The following PRSS50 variants were observed in gnomAD, a reference collection of about 807,000 sequenced individuals.
PRSS50 encodes probable threonine protease PRSS50.
Under a neutral mutation model 34.2 loss-of-function variants are expected in PRSS50, and 23 were observed. That is an observed-to-expected ratio of 0.67 (90% CI 0.48 to 0.95). PRSS50 has a LOEUF of 0.95. Ranked by LOEUF, PRSS50 falls within the 40% of genes least tolerant of loss-of-function variation. The probability of loss-of-function intolerance (pLI) is 0.00; values close to 1 mark genes in which losing one functional copy is unlikely to be tolerated. For synonymous variants in PRSS50, 224 were observed against 211.2 expected (o/e 1.06, Z -0.53); for missense variants, 484 against 513.4 (o/e 0.94, Z 0.55).
At position 46,717,772 on chromosome 3, in the gene PRSS50, G is replaced by C; in HGVS notation, c.53C>G (p.Ala18Gly). Residue 18 changes from alanine to glycine, a missense_variant, in exon 1 of 6, where the codon GCC (alanine) becomes GGC (glycine). By Grantham distance (60) the Ala-to-Gly change is moderately conservative. Coordinates refer to ENST00000315170, the MANE Select transcript of PRSS50 (RefSeq NM_013270.5). The surrounding 1 kb of genome is among the most constrained non-coding windows in gnomAD (Gnocchi z 4.5). ...VARGQRPRTSAPSRAGALLLL... is the reference protein window; with the variant it reads ...VARGQRPRTSGPSRAGALLLL... ...CAGCAGGGCACCGGCGCGGGAGGGGGCAGACGTCCGGGGGCGCTGCCCGCG... is the reference window on the plus strand; with the variant it reads ...CAGCAGGGCACCGGCGCGGGAGGGGCCAGACGTCCGGGGGCGCTGCCCGCG... The C allele has an allele frequency of 6.3e-7, 1 of 1,575,622 alleles. No individual in the cohort carries two copies. The highest frequency in any genetic ancestry group is 8.6e-7 in the Non-Finnish European group (1 of 1,162,038).
At chr3:46,712,796 C>T (rs58935080) in intron 5 of PRSS50, 105 bp downstream of exon 5, 3 of 1,257,972 alleles carry the variant, frequency 2.4e-6, no homozygotes, top group East Asian at 2.4e-5. Flanking sequence ...GTCCTGCCCA[C>T]CCCCTTCCCT....
chr3:46,714,314 T>C lies in PRSS50; in HGVS notation c.658A>G (p.Asn220Asp). ...LKLKQELKYS[N>D]YVRPICLPGT... ...GGCAGGCAGATGGGCCGCACGTAAT[T>C]GCTGTACTTGAGTTCCTGCTTGAGC... Residue 220 changes from asparagine to aspartate, a missense_variant, in exon 4 of 6, where the codon AAT becomes GAT. Physicochemically the swap from Asn to Asp is conservative, Grantham distance 23. Coordinates refer to ENST00000315170, the MANE Select transcript of PRSS50 (RefSeq NM_013270.5). The C allele has an allele frequency of 6.2e-7, 1 of 1,614,124 alleles. No individual in the cohort carries two copies. The highest frequency in any genetic ancestry group is 8.5e-7 in the Non-Finnish European group (1 of 1,180,034).
Position 46,713,068 on chromosome 3 carries a change from C to T in PRSS50, c.755-1G>A, listed in dbSNP as rs1700639953. On this transcript the variant is annotated splice_acceptor_variant, in intron 4 of 5. Transcript: ENST00000315170. LOFTEE classifies it high-confidence loss of function. Reference sequence around the variant, plus strand: ...ATGGTCCGGAACTGAGGCCACATGCCTGTGGGACAGGGCCCCATTTAGGCG... The same window carrying T: ...ATGGTCCGGAACTGAGGCCACATGCTTGTGGGACAGGGCCCCATTTAGGCG... 3 of 1,613,716 alleles carry T rather than the reference C, an allele frequency of 1.9e-6. No individual in the cohort carries two copies. The highest frequency in any genetic ancestry group is 1.3e-5 in the African/African-American group (1 of 74,934).
chr3:46,712,616 C>G (rs186395929), intron 5 of PRSS50, 134 bp from the exon 6 acceptor site: 2 of 868,210 alleles, frequency 2.3e-6, no homozygotes, highest in Middle Eastern at 3.1e-4. Flanking sequence ...GAGAAGTGCT[C>G]CAGACCCAGG....
At position 46,717,386 on chromosome 3, in the gene PRSS50, A is replaced by T; in HGVS notation, c.307+51T>A. ...CCTAGCCCCAGCCAAGGTCCTTAAG[A>T]CTCCTCTGTCACCCTCCTTGCCCCA... On this transcript the variant is annotated intron_variant, in intron 2 of 5. Coordinates refer to ENST00000315170, the MANE Select transcript of PRSS50 (RefSeq NM_013270.5). The surrounding 1 kb of genome is among the most constrained non-coding windows in gnomAD (Gnocchi z 4.5). 6.3e-7 allele frequency: 1 copy of T among 1,595,070 alleles called. No individual in the cohort carries two copies. The highest frequency in any genetic ancestry group is 1.4e-5 in the African/African-American group (1 of 73,660).
At position 46,715,487 on chromosome 3, in the gene PRSS50, A is replaced by G. The variant is rs1243010528; in HGVS notation, c.470+48T>C. On this transcript the variant is annotated intron_variant, in intron 3 of 5. Transcript: ENST00000315170. The surrounding 1 kb of genome is among the most constrained non-coding windows in gnomAD (Gnocchi z 5.2). ...GCAGGGAGGGGATGACTGGGCCCACAGCAGCTCCAAATACCTCTCCACCCA... is the reference window on the plus strand; with the variant it reads ...GCAGGGAGGGGATGACTGGGCCCACGGCAGCTCCAAATACCTCTCCACCCA... The G allele has an allele frequency of 1.3e-6, 2 of 1,580,880 alleles. No individual in the cohort carries two copies. Among genetic ancestry groups the G allele is most frequent in the Admixed American group, 1.7e-5 (1 of 59,116 alleles).
rs1202352092 is a variant in PRSS50 at position 46,712,213 on chromosome 3, G to A, written c.*33C>T. The A allele has an allele frequency of 1.9e-6, 3 of 1,557,182 alleles. No individual in the cohort carries two copies. The highest frequency in any genetic ancestry group is 2.3e-5 in the East Asian group (1 of 43,840). ...CACAGCAACCTGGGCACGGAGGCAA[G>A]GGGGGCCCACAAGTGAGGGAGGGCA... On this transcript the variant is annotated 3_prime_UTR_variant, in exon 6 of 6. Coordinates refer to ENST00000315170, the MANE Select transcript of PRSS50 (RefSeq NM_013270.5).
rs372764525 is a variant in PRSS50 at position 46,712,322 on chromosome 3, G to A, written c.1082C>T (p.Ala361Val). 6.8e-6 allele frequency: 11 copies of A among 1,613,364 alleles called. No individual in the cohort carries two copies. The African/African-American group carries it at 1.3e-4, about 20-fold the overall frequency. Reference protein sequence around the residue: ...HWIWDCLNGQALALPAPSRTL... With the variant: ...HWIWDCLNGQVLALPAPSRTL... ...CCTGGATGGGGCTGGCAGGGCCAGG[G>A]CCTGCCCGTTGAGGCAGTCCCAGAT... Residue 361 changes from alanine to valine, a missense_variant, in exon 6 of 6, where the codon GCC becomes GTC. Ala to Val is a moderately conservative substitution (Grantham distance 64, BLOSUM62 0). Coordinates refer to ENST00000315170, the MANE Select transcript of PRSS50 (RefSeq NM_013270.5).
rs146889046 is a variant in PRSS50 at position 46,712,411 on chromosome 3, A to G, written c.993T>C (p.Gly331=). 54 of 1,613,848 alleles carry G rather than the reference A, an allele frequency of 3.3e-5. No homozygotes were observed. In the African/African-American group the frequency reaches 6.3e-4, roughly 19 times the overall value. ...TWYLVGLVSW[G]AGCQKSEAPP... ...GGGCCTCGCTCTTCTGGCAGCCTGC[A>G]CCCCAGCTCACCAATCCCACCAGGT... The change falls in exon 6 of 6, where the codon GGT becomes GGC. Residue 331 remains glycine (G), a synonymous_variant. Transcript: ENST00000315170.
chr3:46,714,448 G>A lies in PRSS50; in HGVS notation c.524C>T (p.Thr175Met), dbSNP rs201477242. 78 of 1,608,658 alleles carry A rather than the reference G, an allele frequency of 4.8e-5. No individual in the cohort carries two copies. The highest frequency in any genetic ancestry group is 1.6e-4 in the East Asian group (7 of 44,672). The change falls in exon 4 of 6, where the codon ACG becomes ATG. Residue 175 changes from threonine to methionine, a missense_variant. Thr to Met is a moderately conservative substitution (Grantham distance 81). Coordinates refer to ENST00000315170, the MANE Select transcript of PRSS50 (RefSeq NM_013270.5). ...CACCGGGACATCGGAGGCGGTCTGC[G>A]TCATCTGGTCAATCCACGGACTCCC... is the stretch of plus-strand genomic sequence containing the variant. ...RVGSPWIDQM[T>M]QTASDVPVLQ...
intron 5 of PRSS50, 147 bp from the exon 6 acceptor site, chr3:46,712,629 C>G: frequency 1.2e-6 from 1 of 819,088 alleles, no homozygotes; most frequent in Admixed American, 2.6e-5. Flanking sequence ...GACCCAGGAG[C>G]TCTTCCTCAA....
At position 46,714,305 on chromosome 3, in the gene PRSS50, G is replaced by C; in HGVS notation, c.667C>G (p.Arg223Gly). Residue 223 changes from arginine (R) to glycine (G), a missense_variant, in exon 4 of 6, where the codon CGG becomes GGG. By Grantham distance (125) the Arg-to-Gly change is moderately radical. Coordinates refer to ENST00000315170, the MANE Select transcript of PRSS50 (RefSeq NM_013270.5). ...TCCGTGCCAGGCAGGCAGATGGGCC[G>C]CACGTAATTGCTGTACTTGAGTTCC... is the stretch of plus-strand genomic sequence containing the variant. Reference protein sequence around the residue: ...KQELKYSNYVRPICLPGTDYV... With the variant: ...KQELKYSNYVGPICLPGTDYV... 1 of 1,614,132 alleles carries C rather than the reference G, an allele frequency of 6.2e-7. No homozygotes were observed. The highest frequency in any genetic ancestry group is 8.5e-7 in the Non-Finnish European group (1 of 1,180,026).
In PRSS50 at chr3:46,715,461, G is replaced by A; in HGVS notation, c.470+74C>T. 1 of 1,547,590 alleles carries A rather than the reference G, an allele frequency of 6.5e-7. No individual in the cohort carries two copies. The highest frequency in any genetic ancestry group is 8.8e-7 in the Non-Finnish European group (1 of 1,134,662). Reference sequence around the variant, plus strand: ...CTGGGACTGTGGGCCCAGAACAGCTGGCAGGGAGGGGATGACTGGGCCCAC... The same window carrying A: ...CTGGGACTGTGGGCCCAGAACAGCTAGCAGGGAGGGGATGACTGGGCCCAC... On this transcript the variant is annotated intron_variant, in intron 3 of 5. Coordinates refer to ENST00000315170, the MANE Select transcript of PRSS50 (RefSeq NM_013270.5). This position sits in a 1 kb window ranked among gnomAD's most constrained non-coding sequence, Gnocchi z 5.2.
intron 4 of PRSS50, 29 bp from the exon 5 acceptor site, chr3:46,713,096 GC>G: frequency 1.9e-6 from 3 of 1,609,646 alleles, no homozygotes; most frequent in Non-Finnish European, 2.5e-6. Context: ...TTTAGGCGCA[GC>G]CACTCACCGC....
Position 46,717,343 on chromosome 3 carries a change from C to T in PRSS50, c.307+94G>A. 2 of 1,417,300 alleles carry T rather than the reference C, an allele frequency of 1.4e-6. No individual in the cohort carries two copies. Among genetic ancestry groups the T allele is most frequent in the Middle Eastern group, 4.4e-4 (2 of 4,540 alleles). The allele number at this position is 1,417,300 out of a possible 1,614,324, so 87.8% of individuals were successfully genotyped here. A position where few individuals can be genotyped will look rare whatever the true frequency, so the allele number is the denominator to read the frequency against. ...GGAGGCGCTCCTCTATCCTGCTCGC[C>T]CCCGTCCCTTCTGCTCCCCTAGCCC... On this transcript the variant is annotated intron_variant, in intron 2 of 5. Coordinates refer to ENST00000315170, the MANE Select transcript of PRSS50 (RefSeq NM_013270.5). This position sits in a 1 kb window ranked among gnomAD's most constrained non-coding sequence, Gnocchi z 4.5.
In PRSS50 at chr3:46,717,418, C is replaced by T; in HGVS notation, c.307+19G>A. 6.2e-7 allele frequency: 1 copy of T among 1,613,492 alleles called. No individual in the cohort carries two copies. The highest frequency in any genetic ancestry group is 8.5e-7 in the Non-Finnish European group (1 of 1,179,590). ...TGTCACCCTCCTTGCCCCACGGAGT[C>T]TACACCCCTGGTACTCACAGCGGTA... On this transcript the variant is annotated intron_variant, in intron 2 of 5. Transcript: ENST00000315170. This position sits in a 1 kb window ranked among gnomAD's most constrained non-coding sequence, Gnocchi z 4.5.
In PRSS50 at chr3:46,715,477, C is replaced by T; in HGVS notation, c.470+58G>A. The T allele has an allele frequency of 6.4e-7, 1 of 1,568,570 alleles. No individual in the cohort carries two copies. Among genetic ancestry groups the T allele is most frequent in the South Asian group, 1.2e-5 (1 of 85,948 alleles). The stretch of plus-strand genomic sequence containing the variant: ...AGAACAGCTGGCAGGGAGGGGATGA[C>T]TGGGCCCACAGCAGCTCCAAATACC... On this transcript the variant is annotated intron_variant, in intron 3 of 5. Transcript: ENST00000315170. The surrounding 1 kb of genome is among the most constrained non-coding windows in gnomAD (Gnocchi z 5.2).
chr3:46,717,331 T>C lies in PRSS50; in HGVS notation c.307+106A>G. 3 of 1,303,224 alleles carry C rather than the reference T, an allele frequency of 2.3e-6. No individual in the cohort carries two copies. Among genetic ancestry groups the C allele is most frequent in the East Asian group, 4.7e-5 (2 of 42,344 alleles). 80.7% of individuals were successfully genotyped at this position (1,303,224 alleles called of 1,614,324 possible). ...ACACCTGTAGAAGGAGGCGCTCCTCTATCCTGCTCGCCCCCGTCCCTTCTG... is the reference window on the plus strand; with the variant it reads ...ACACCTGTAGAAGGAGGCGCTCCTCCATCCTGCTCGCCCCCGTCCCTTCTG... On this transcript the variant is annotated intron_variant, in intron 2 of 5. Transcript: ENST00000315170. The surrounding 1 kb of genome is among the most constrained non-coding windows in gnomAD (Gnocchi z 4.5).
At position 46,715,538 on chromosome 3, in the gene PRSS50, A is replaced by G; in HGVS notation, c.467T>C (p.Ile156Thr). The change falls in exon 3 of 6, where the codon ATC (isoleucine) becomes ACC (threonine). Residue 156 changes from isoleucine to threonine, a missense_variant. Physicochemically the swap from Ile to Thr is moderately conservative, Grantham distance 89. Coordinates refer to ENST00000315170, the MANE Select transcript of PRSS50 (RefSeq NM_013270.5). The surrounding 1 kb of genome is among the most constrained non-coding windows in gnomAD (Gnocchi z 5.2). ...CCCCACCTCAGCCTTGACTCACCAGATCAGGCAGTGGGCCACAGTCAGCAC... is the reference window on the plus strand; with the variant it reads ...CCCCACCTCAGCCTTGACTCACCAGGTCAGGCAGTGGGCCACAGTCAGCAC... ...QWVLTVAHCL[I>T]WRDVIYSVRV... is the part of the protein sequence containing the mutation. 6.2e-7 allele frequency: 1 copy of G among 1,611,884 alleles called. No individual in the cohort carries two copies. Among genetic ancestry groups the G allele is most frequent in the Non-Finnish European group, 8.5e-7 (1 of 1,178,258 alleles).
Sources: allele counts gnomAD v4.1 joint callset, GRCh38; gene constraint gnomAD v4.1.1; non-coding constraint Gnocchi (gnomAD v3.1); transcripts MANE v1.5; gene names NCBI Gene and HGNC (gene_info 2026-07-23, HGNC 2026-07-21).